The following DNAJB12 variants were observed in gnomAD, a reference collection of about 807,000 sequenced individuals.
DNAJB12 encodes the protein DnaJ heat shock protein family (Hsp40) member B12.
DNAJB12 carries 14 observed loss-of-function variants against 40.6 expected under a neutral mutation model. That is an observed-to-expected ratio of 0.34 (90% CI 0.23 to 0.54). The LOEUF is 0.54. Among genes scored for constraint, DNAJB12 ranks in the 20% least tolerant of loss-of-function variants. DNAJB12 has a pLI of 0.92. For synonymous variants in DNAJB12, 181 were observed against 199.5 expected, an observed-to-expected ratio of 0.91 and a Z score of 0.78; for missense variants, 444 against 501.7, an observed-to-expected ratio of 0.89 and a Z score of 1.10.
chr10:72,336,837 A>C, intron 6 of DNAJB12, 141 bp from the exon 7 acceptor site: 4 of 622,102 alleles, frequency 6.4e-6, no homozygotes, highest in Non-Finnish European at 5.4e-6. Flanking sequence ...GGACCCGCAC[A>C]CTCCCTGAAA....
chr10:72,342,558 T>C (rs577187400), intron 3 of DNAJB12, among the ~76,000 whole-genome samples: 1 of 151,858 alleles, frequency 6.6e-6, no homozygotes, highest in East Asian at 1.9e-4. Flanking sequence ...GGTCTCGGAG[T>C]CTCCTCTGCC....
intron 1 of DNAJB12, among the ~76,000 whole-genome samples, chr10:72,353,055 G>T (rs1861973027): frequency 1.3e-5 from 2 of 152,242 alleles, no homozygotes; most frequent in Non-Finnish European, 2.9e-5. Context: ...TAGTCTCATA[G>T]TCTTTCCAGA....
intron 5 of DNAJB12, among the ~76,000 whole-genome samples, chr10:72,338,981 CA>C (rs1861553689): frequency 6.6e-6 from 1 of 152,148 alleles, no homozygotes; most frequent in South Asian, 2.1e-4. Flanking sequence ...AAATTTTGAT[CA>C]GGGGCAATGG....
Position 72,334,463 on chromosome 10 carries a change from T to C in DNAJB12, c.*185A>G. The C allele has an allele frequency of 8.1e-7, 1 of 1,227,436 alleles. No homozygotes were observed. The highest frequency in any genetic ancestry group is 2.0e-5 in the Admixed American group (1 of 49,902). 76.0% of individuals were successfully genotyped at this position (1,227,436 alleles called of 1,614,324 possible). A position where few individuals can be genotyped will look rare whatever the true frequency, so the allele number is the denominator to read the frequency against. Reference sequence around the variant, plus strand: ...CAGGTTTTCTGTCTGTCCTAAGAGCTTTCTGCATTTACTGGGTGAGAGAGA... The same window carrying C: ...CAGGTTTTCTGTCTGTCCTAAGAGCCTTCTGCATTTACTGGGTGAGAGAGA... On this transcript the variant is annotated 3_prime_UTR_variant, in exon 9 of 9. Coordinates refer to ENST00000444643, the MANE Select transcript of DNAJB12 (RefSeq NM_017626.7).
In DNAJB12 at chr10:72,335,605, T is replaced by C; in HGVS notation, c.*30+175A>G. 1 of 1,389,290 alleles carries C rather than the reference T, an allele frequency of 7.2e-7. No homozygotes were observed. The highest frequency in any genetic ancestry group is 9.3e-7 in the Non-Finnish European group (1 of 1,071,450). 86.1% of individuals were successfully genotyped at this position (1,389,290 alleles called of 1,614,324 possible). A position where few individuals can be genotyped will look rare whatever the true frequency, so the allele number is the denominator to read the frequency against. On this transcript the variant is annotated intron_variant, in intron 8 of 8. Coordinates refer to ENST00000444643, the MANE Select transcript of DNAJB12 (RefSeq NM_017626.7). This position sits in a 1 kb window ranked among gnomAD's most constrained non-coding sequence, Gnocchi z 4.4. ...ATCGCTAGAGGGCGGAAACCGACCT[T>C]GGTTTCCCAGCAGGCCCCACAGCTG...
At chr10:72,342,668 T>C (rs1029675121) in intron 3 of DNAJB12, among the ~76,000 whole-genome samples, 7 of 151,834 alleles carry the variant, frequency 4.6e-5, no homozygotes, top group Admixed American at 4.6e-4. Flanking sequence ...AGGAGGTGGA[T>C]GAAGTGGGAA....
intron 1 of DNAJB12, 100 bp from the exon 2 acceptor site, chr10:72,345,227 G>GCCA: frequency 7.1e-7 from 1 of 1,411,542 alleles, no homozygotes; most frequent in Non-Finnish European, 9.7e-7. Flanking sequence ...TCCCAGCAAA[G>GCCA]CCACCAGCTC....
intron 3 of DNAJB12, among the ~76,000 whole-genome samples, chr10:72,342,540 G>C (rs1264663776): frequency 6.6e-6 from 1 of 152,162 alleles, no homozygotes; most frequent in Non-Finnish European, 1.5e-5. Context: ...CCGGGACACT[G>C]CACACCAGGT....
At position 72,336,034 on chromosome 10, in the gene DNAJB12, C is replaced by T. The variant is rs1212320502; in HGVS notation, c.1007-103G>A. ...GGGCGGAGGAAAGCTGGTACATGCC[C>T]GGGGCTTGGGCAGGGCTGGCCTCCC... On this transcript the variant is annotated intron_variant, in intron 7 of 8. Transcript: ENST00000444643. 1.2e-4 allele frequency: 183 copies of T among 1,477,690 alleles called. 3 individuals are homozygous for T. The Admixed American group carries it at 3.1e-3, about 25-fold the overall frequency. 91.5% of individuals were successfully genotyped at this position (1,477,690 alleles called of 1,614,324 possible).
chr10:72,338,102 C>T (rs1003645223), intron 6 of DNAJB12, 100 bp downstream of exon 6: 18 of 978,064 alleles, frequency 1.8e-5, no homozygotes, highest in Non-Finnish European at 2.9e-5. Context: ...GCATTATGAT[C>T]GCACACTGGC....
In DNAJB12 at chr10:72,346,411, C is replaced by T. The variant is rs187705635; in HGVS notation, c.134-1284G>A. On this transcript the variant is annotated intron_variant, in intron 1 of 8. Transcript: ENST00000444643. ...CATGATCTTAGCTCACTGCAACCTC[C>T]GCCTCCTGGGTTCAAGCAATTCTCC... is the stretch of plus-strand genomic sequence containing the variant. Among the ~76,000 whole-genome samples, 983 of 152,042 alleles carry T rather than the reference C, an allele frequency of 6.5e-3. 3 individuals are homozygous for T. The highest frequency in any genetic ancestry group is 0.014 in the Middle Eastern group (4 of 294).
intron 5 of DNAJB12, 89 bp from the exon 6 acceptor site, chr10:72,338,400 G>A (rs1861537243): frequency 1.8e-6 from 2 of 1,088,552 alleles, no homozygotes; most frequent in South Asian, 1.3e-5. Context: ...GAATAGTGGA[G>A]CCTGGGGAGA....
chr10:72,340,582 T>C (rs1296896204), intron 5 of DNAJB12, among the ~76,000 whole-genome samples: 1 of 152,104 alleles, frequency 6.6e-6, no homozygotes, highest in East Asian at 1.9e-4. Flanking sequence ...CCGCCGGCAA[T>C]GTGGAGCATG....
chr10:72,345,567 C>T lies in DNAJB12; in HGVS notation c.134-440G>A, dbSNP rs549330665. 3.1e-3 allele frequency among the ~76,000 whole-genome samples: 283 copies of T among 91,042 alleles called. 2 individuals carry two copies. Among genetic ancestry groups the T allele is most frequent in the African/African-American group, 0.012 (278 of 23,210 alleles). The allele number at this position is 91,042 out of a possible 152,430, so 59.7% of individuals were successfully genotyped here. ...CCTGGGTGACAGAGTGAGACCCTGT[C>T]TCAAAAAAAAAAAAAAAAAAAAAAT... On this transcript the variant is annotated intron_variant, in intron 1 of 8. Coordinates refer to ENST00000444643, the MANE Select transcript of DNAJB12 (RefSeq NM_017626.7).
chr10:72,334,826 C>A lies in DNAJB12; in HGVS notation c.*31-209G>T, dbSNP rs1418415563. On this transcript the variant is annotated intron_variant, in intron 8 of 8. Transcript: ENST00000444643. ...AGGCAGAGTCAGCCATGGATCCAGG[C>A]CGGGAGGACACAGGCAAAGGAGGGG... 55 of 1,361,670 alleles carry A rather than the reference C, an allele frequency of 4.0e-5. No individual in the cohort carries two copies. In the South Asian group the frequency reaches 7.7e-4, roughly 19 times the overall value. The allele number at this position is 1,361,670 out of a possible 1,614,324, so 84.3% of individuals were successfully genotyped here.
rs1441700624 is a variant in DNAJB12, at chr10:72,345,106, T to C, written c.155A>G (p.Gln52Arg). The C allele has an allele frequency of 6.2e-6, 10 of 1,612,974 alleles. No homozygotes were observed. The highest frequency in any genetic ancestry group is 8.5e-6 in the Non-Finnish European group (10 of 1,179,384). The change falls in exon 2 of 9, where the codon CAG becomes CGG. Residue 52 changes from glutamine (Q) to arginine (R), a missense_variant. By Grantham distance (43) the Gln-to-Arg change is conservative. Transcript: ENST00000444643. ...TTGGTCACCGGCAGTCTGTGGTTTC[T>C]GGTTGAGGGACTCAATCAGGGCTGT... ...RVRALIESLN[Q>R]KPQTAGDQPP...
chr10:72,352,663 C>G (rs1861962463), intron 1 of DNAJB12, among the ~76,000 whole-genome samples: 1 of 152,106 alleles, frequency 6.6e-6, no homozygotes, highest in East Asian at 1.9e-4. Context: ...TGTTTAATTA[C>G]AGTTCTGTCT....
Position 72,336,710 on chromosome 10 carries a change from C to T in DNAJB12, c.834-14G>A, listed in dbSNP as rs756409685. The T allele has an allele frequency of 2.5e-6, 4 of 1,612,174 alleles. No individual in the cohort carries two copies. Among genetic ancestry groups the T allele is most frequent in the Non-Finnish European group, 3.4e-6 (4 of 1,178,822 alleles). On this transcript the variant is annotated splice_polypyrimidine_tract_variant and intron_variant, in intron 6 of 8. Transcript: ENST00000444643. ...TGGCCCACGGACCTGGCCAGAAATA[C>T]CAGGTTCAAAGTGGGTGCGGGTCCC...
chr10:72,347,949 C>A (rs185205721), intron 1 of DNAJB12, among the ~76,000 whole-genome samples: 294 of 151,472 alleles, frequency 1.9e-3, no homozygotes, highest in Non-Finnish European at 3.2e-3. Context: ...GCCCACCAGG[C>A]ATGGTGGCTC....
Sources: allele counts gnomAD v4.1 joint callset (sites outside exome capture counted in the v4.1 genomes callset), GRCh38; gene constraint gnomAD v4.1.1; non-coding constraint Gnocchi (gnomAD v3.1); transcripts MANE v1.5; gene names NCBI Gene and HGNC (gene_info 2026-07-23, HGNC 2026-07-21).